SEMA6D: variants seen among roughly 807,000 people sequenced by gnomAD.
SEMA6D encodes the protein semaphorin-6D.
In SEMA6D, 35 loss-of-function variants were observed where a neutral mutation model predicts 106.6. The observed-to-expected ratio is 0.33, with a 90% confidence interval of 0.25 to 0.44. The LOEUF (loss-of-function observed/expected upper bound fraction) is 0.44. SEMA6D is among the 20% of genes least tolerant of loss of function. The pLI, the probability that SEMA6D is intolerant of heterozygous loss-of-function variation, is 1.00. For synonymous variants in SEMA6D, 499 were observed against 487.7 expected (o/e 1.02, Z -0.31); for missense variants, 1,185 against 1,345.9 (o/e 0.88, Z 1.87).
intron 1 of SEMA6D, among the ~76,000 whole-genome samples, chr15:47,386,388 C>T (rs1242373751): frequency 6.6e-6 from 1 of 152,098 alleles, no homozygotes; most frequent in South Asian, 2.1e-4. Context: ...ACGAAGCAGA[C>T]ACCAATATGA....
chr15:47,692,116 A>G (rs570631782), intron 4 of SEMA6D, among the ~76,000 whole-genome samples: 1 of 152,296 alleles, frequency 6.6e-6, no homozygotes, highest in Non-Finnish European at 1.5e-5. Flanking sequence ...GCCAGAGCAC[A>G]ATGAATAATT....
intron 1 of SEMA6D, chr15:47,275,242 G>T (rs752288945): frequency 3.3e-5 from 5 of 152,110 alleles, no homozygotes; most frequent in Non-Finnish European, 5.9e-5. Context: ...ACAAAATACA[G>T]TTATAATCAC....
intron 1 of SEMA6D, among the ~76,000 whole-genome samples, chr15:47,379,523 A>G (rs564272920): frequency 6.6e-6 from 1 of 152,324 alleles, no homozygotes; most frequent in East Asian, 1.9e-4. Context: ...AAAAAGAATA[A>G]GCAACTGAGA....
chr15:47,406,581 T>A (rs776787162), intron 1 of SEMA6D, among the ~76,000 whole-genome samples: 4 of 152,126 alleles, frequency 2.6e-5, no homozygotes, highest in African/African-American at 4.8e-5. Flanking sequence ...AATCTCATAG[T>A]GACAGAGAGT....
chr15:47,262,019 A>G (rs2034097691), intron 1 of SEMA6D, among the ~76,000 whole-genome samples: 1 of 152,146 alleles, frequency 6.6e-6, no homozygotes, highest in South Asian at 2.1e-4. Flanking sequence ...AAAAATCACT[A>G]ACATTCCTAT....
chr15:47,459,526 C>G (rs2042437813), intron 2 of SEMA6D, among the ~76,000 whole-genome samples: 1 of 151,950 alleles, frequency 6.6e-6, no homozygotes, highest in South Asian at 2.1e-4. Context: ...TGGTTTTGCA[C>G]TGGGTGGTGG....
At chr15:47,607,152 T>C (rs2143715830) in intron 4 of SEMA6D, among the ~76,000 whole-genome samples, 1 of 152,300 alleles carries the variant, frequency 6.6e-6, no homozygotes, top group South Asian at 2.1e-4. Context: ...TAGGAATATG[T>C]TTAGTAGATT....
chr15:47,758,501 C>T (rs956297972), intron 1 of SEMA6D, among the ~76,000 whole-genome samples: 1 of 152,100 alleles, frequency 6.6e-6, no homozygotes, highest in Non-Finnish European at 1.5e-5. Flanking sequence ...AAATATCCAT[C>T]TCATTGACCC....
chr15:47,702,189 G>A (rs1165887827), intron 4 of SEMA6D, among the ~76,000 whole-genome samples: 1 of 152,020 alleles, frequency 6.6e-6, no homozygotes, highest in Non-Finnish European at 1.5e-5. Context: ...CCCATTCCTT[G>A]CCCCTCAGAA....
Position 47,496,230 on chromosome 15 carries a change from C to T in SEMA6D, c.-87+25685C>T, listed in dbSNP as rs186576142. 2.1e-3 allele frequency among the ~76,000 whole-genome samples: 318 copies of T among 152,188 alleles called. 1 individual carries two copies. The highest frequency in any genetic ancestry group is 7.2e-3 in the African/African-American group (301 of 41,550). The stretch of plus-strand genomic sequence containing the variant: ...TAGTGCAGTGATTTTCCATGACTTC[C>T]GTTATTAGACCTGAACCATATTTTG... On this transcript the variant is annotated intron_variant, in intron 3 of 19. Transcript: ENST00000558014.
chr15:47,540,468 A>G lies in SEMA6D; in HGVS notation c.-86-60397A>G, dbSNP rs567308173. On this transcript the variant is annotated intron_variant, in intron 3 of 19. Coordinates refer to the SEMA6D transcript ENST00000558014. ...AAAGCATGCATTTACTCATTTATTCAGTCATAAATTGAGTCTCTCCATTTG... is the reference window on the plus strand; with the variant it reads ...AAAGCATGCATTTACTCATTTATTCGGTCATAAATTGAGTCTCTCCATTTG... 5.3e-5 allele frequency among the ~76,000 whole-genome samples: 8 copies of G among 152,242 alleles called. No homozygotes were observed. The East Asian group carries it at 1.2e-3, about 22-fold the overall frequency.
At chr15:47,258,662 ACT>A (rs1223421275) in intron 1 of SEMA6D, among the ~76,000 whole-genome samples, 3 of 151,956 alleles carry the variant, frequency 2.0e-5, no homozygotes, top group Middle Eastern at 3.2e-3. Context: ...AGGCCTTTGG[ACT>A]CAGACTGAAC....
intron 2 of SEMA6D, among the ~76,000 whole-genome samples, chr15:47,419,507 G>A (rs2041084511): frequency 6.6e-6 from 1 of 152,086 alleles, no homozygotes; most frequent in South Asian, 2.1e-4. Context: ...GGGGAGTATA[G>A]CCTGATGCCA....
intron 1 of SEMA6D, among the ~76,000 whole-genome samples, chr15:47,332,865 CT>C (rs2037398732): frequency 6.6e-6 from 1 of 152,040 alleles, no homozygotes; most frequent in South Asian, 2.1e-4. Context: ...ATATAGTGCC[CT>C]AAACATAGGC....
At chr15:47,235,530 T>A (rs2032483714) in intron 1 of SEMA6D, among the ~76,000 whole-genome samples, 1 of 152,130 alleles carries the variant, frequency 6.6e-6, no homozygotes, top group Non-Finnish European at 1.5e-5. Flanking sequence ...TTCATTCTTC[T>A]ACATGTGGCT....
intron 4 of SEMA6D, among the ~76,000 whole-genome samples, chr15:47,662,681 C>T (rs999494444): frequency 1.3e-5 from 2 of 152,126 alleles, no homozygotes; most frequent in African/African-American, 2.4e-5. Context: ...AAAGAATACA[C>T]GACTTCAGTT....
At chr15:47,469,731 A>G (rs985079878) in intron 2 of SEMA6D, among the ~76,000 whole-genome samples, 2 of 152,144 alleles carry the variant, frequency 1.3e-5, no homozygotes, top group East Asian at 3.8e-4. Context: ...TCTCCCAGGT[A>G]TGCTTACCTC....
intron 2 of SEMA6D, among the ~76,000 whole-genome samples, chr15:47,456,170 G>GATTCTGTGA (rs1183339912): frequency 1.3e-5 from 2 of 151,934 alleles, no homozygotes; most frequent in Non-Finnish European, 2.9e-5. Flanking sequence ...GGAGGCAACA[G>GATTCTGTGA]ATTCTGTGAT....
chr15:47,342,300 A>C (rs1470401194), intron 1 of SEMA6D, among the ~76,000 whole-genome samples: 1 of 152,192 alleles, frequency 6.6e-6, no homozygotes, highest in Non-Finnish European at 1.5e-5. Context: ...TCTGATTGTG[A>C]GTGCCACTAG....
Sources: allele counts gnomAD v4.1 joint callset (sites outside exome capture counted in the v4.1 genomes callset), GRCh38; gene constraint gnomAD v4.1.1; transcripts MANE v1.5; gene names NCBI Gene and HGNC (gene_info 2026-07-23, HGNC 2026-07-21).